Variants in FAM135A observed in about 807,000 individuals in gnomAD.
FAM135A encodes the protein protein FAM135A.
FAM135A carries 79 observed loss-of-function variants against 146.8 expected under a neutral mutation model. The ratio of observed to expected loss-of-function variants is 0.54; its 90% CI spans 0.45 to 0.65. The LOEUF (loss-of-function observed/expected upper bound fraction) is 0.65, where lower values mean the gene tolerates loss of function less well. Among genes scored for constraint, FAM135A ranks in the 30% least tolerant of loss-of-function variants. FAM135A has a pLI of 0.00. For missense variants in FAM135A, 1,623 were observed against 1,758.2 expected, an observed-to-expected ratio of 0.92 and a Z score of 1.38; for synonymous variants, 562 against 603.6, an observed-to-expected ratio of 0.93 and a Z score of 1.01.
intron 5 of FAM135A, among the ~76,000 whole-genome samples, chr6:70,454,644 G>A (rs1396801169): frequency 1.3e-5 from 2 of 152,108 alleles, no homozygotes; most frequent in African/African-American, 4.8e-5. Flanking sequence ...AGTTTTCCCA[G>A]CACCATTTAT....
At chr6:70,481,923 T>C in intron 9 of FAM135A, 78 bp from the exon 10 acceptor site, 2 of 1,381,356 alleles carry the variant, frequency 1.4e-6, no homozygotes, top group Non-Finnish European at 1.9e-6. Flanking sequence ...TTAAGTATTT[T>C]TTCTTTATTT....
chr6:70,559,803 A>G lies in FAM135A; in HGVS notation c.4430A>G (p.Asn1477Ser). Reference sequence around the variant, plus strand: ...AATTTGGTTCGCTATAATGTCATCAATGCATTGCCCAATACAGCTGATTCA... The same window carrying G: ...AATTTGGTTCGCTATAATGTCATCAGTGCATTGCCCAATACAGCTGATTCA... ...DCNLVRYNVI[N>S]ALPNTADSLI... The change falls in exon 22 of 22, where the codon AAT (asparagine) becomes AGT (serine). Residue 1477 changes from asparagine to serine, a missense_variant. Around this residue, in one of 7 missense-constraint regions of FAM135A, gnomAD observed 138 missense variants for 174.1 expected, o/e 0.79. Transcript: ENST00000418814. 1 of 1,614,148 alleles carries G rather than the reference A, an allele frequency of 6.2e-7. No individual in the cohort carries two copies. Among genetic ancestry groups the G allele is most frequent in the South Asian group, 1.1e-5 (1 of 91,086 alleles).
Position 70,540,577 on chromosome 6 carries a change from G to A in FAM135A, c.4228+2176G>A, listed in dbSNP as rs568127632. ...CCTGACCTTGTGATCCGCCCGCCTC[G>A]GCCTCCTAAAGTGCTGGGATTACAG... On this transcript the variant is annotated intron_variant, in intron 20 of 21. Transcript: ENST00000418814. Among the ~76,000 whole-genome samples, 101 of 151,886 alleles carry A rather than the reference G, an allele frequency of 6.6e-4. 1 individual carries two copies. The highest frequency in any genetic ancestry group is 3.4e-3 in the Middle Eastern group (1 of 294).
chr6:70,442,792 A>C lies in FAM135A; in HGVS notation c.78-9700A>C, dbSNP rs1415597714. On this transcript the variant is annotated intron_variant, in intron 4 of 21. Transcript: ENST00000418814. ...TTTGATACAATGCTATAGGAAGTAC[A>C]TAATCAAACCTTTAGATTAAACCAC... 4.6e-5 allele frequency among the ~76,000 whole-genome samples: 7 copies of C among 152,206 alleles called. No individual in the cohort carries two copies. The South Asian group carries it at 8.3e-4, about 18-fold the overall frequency.
chr6:70,497,465 C>T lies in FAM135A; in HGVS notation c.874-5171C>T, dbSNP rs573540553. Among the ~76,000 whole-genome samples the T allele has an allele frequency of 9.1e-4, 138 of 152,274 alleles. 3 individuals carry two copies. In the South Asian group the frequency reaches 0.028, roughly 31 times the overall value. On this transcript the variant is annotated intron_variant, in intron 11 of 21. Coordinates refer to ENST00000418814, the MANE Select transcript of FAM135A (RefSeq NM_001162529.3). ...AAACAGGGACAGTTTGACTTCCTCTCTTCCTATTTGAATACGTTTTATTTC... is the reference window on the plus strand; with the variant it reads ...AAACAGGGACAGTTTGACTTCCTCTTTTCCTATTTGAATACGTTTTATTTC...
chr6:70,482,658 T>G (rs1236394823), intron 10 of FAM135A, among the ~76,000 whole-genome samples: 2 of 152,118 alleles, frequency 1.3e-5, no homozygotes, highest in Non-Finnish European at 2.9e-5. Flanking sequence ...ATTGAAATTG[T>G]TTTAAAAAAT....
At chr6:70,505,845 A>G (rs1789648460) in intron 12 of FAM135A, among the ~76,000 whole-genome samples, 1 of 152,096 alleles carries the variant, frequency 6.6e-6, no homozygotes, top group Non-Finnish European at 1.5e-5. Context: ...GCTATATTGT[A>G]GTAAACAGGA....
In FAM135A at chr6:70,448,924, C is replaced by A. The variant is rs1447321635; in HGVS notation, c.78-3568C>A. ...GGGCCAGGTGTTTCTTGCCCTCATT[C>A]TGGTAAACCCACAACCTTCCAGCCT... is the stretch of plus-strand genomic sequence containing the variant. On this transcript the variant is annotated intron_variant, in intron 4 of 21. Coordinates refer to ENST00000418814, the MANE Select transcript of FAM135A (RefSeq NM_001162529.3). Among the ~76,000 whole-genome samples the A allele has an allele frequency of 3.9e-5, 6 of 152,158 alleles. No homozygotes were observed. The East Asian group carries it at 1.2e-3, about 29-fold the overall frequency.
chr6:70,559,793 A>C lies in FAM135A; in HGVS notation c.4420A>C (p.Asn1474His). The change falls in exon 22 of 22, where the codon AAT (asparagine) becomes CAT (histidine). Residue 1474 changes from asparagine to histidine, a missense_variant. By Grantham distance (68) the Asn-to-His change is moderately conservative. This residue lies in a region of FAM135A where 138 missense variants were observed against 174.1 expected (regional missense o/e 0.79). Transcript: ENST00000418814. ...QSKDCNLVRY[N>H]VINALPNTAD... ...CAAGGACTGTAATTTGGTTCGCTAT[A>C]ATGTCATCAATGCATTGCCCAATAC... is the stretch of plus-strand genomic sequence containing the variant. 1 of 1,614,150 alleles carries C rather than the reference A, an allele frequency of 6.2e-7. No homozygotes were observed. The highest frequency in any genetic ancestry group is 2.2e-5 in the East Asian group (1 of 44,866).
At chr6:70,469,236 A>G (rs1445793528) in intron 5 of FAM135A, among the ~76,000 whole-genome samples, 1 of 152,220 alleles carries the variant, frequency 6.6e-6, no homozygotes, top group African/African-American at 2.4e-5. Flanking sequence ...CATAATAAGT[A>G]TTCAGTAAAT....
At chr6:70,427,489 G>A (rs550923603) in intron 3 of FAM135A, among the ~76,000 whole-genome samples, 1 of 149,032 alleles carries the variant, frequency 6.7e-6, no homozygotes, top group Non-Finnish European at 1.5e-5. Context: ...CCGAGAGCGC[G>A]CCACTGCACT....
chr6:70,503,860 T>C (rs753540336), intron 12 of FAM135A: 1 of 152,232 alleles, frequency 6.6e-6, no homozygotes, highest in Non-Finnish European at 1.5e-5. Flanking sequence ...ATATCTCCAT[T>C]TGAATATACC....
intron 16 of FAM135A, among the ~76,000 whole-genome samples, chr6:70,530,006 G>C (rs1208657210): frequency 1.3e-5 from 2 of 152,144 alleles, no homozygotes; most frequent in Admixed American, 6.5e-5. Flanking sequence ...GGAGCTTGCG[G>C]TGAGCTGAGA....
At chr6:70,518,341 C>G (rs1168904640) in intron 12 of FAM135A, among the ~76,000 whole-genome samples, 1 of 152,094 alleles carries the variant, frequency 6.6e-6, no homozygotes, top group African/African-American at 2.4e-5. Context: ...TTGAAACTAG[C>G]AGAGATTGGG....
chr6:70,483,425 C>A (rs1784087807), intron 10 of FAM135A, among the ~76,000 whole-genome samples: 1 of 152,130 alleles, frequency 6.6e-6, no homozygotes, highest in Non-Finnish European at 1.5e-5. Flanking sequence ...AAAAGACAAT[C>A]TTCTGATCAT....
At position 70,525,703 on chromosome 6, in the gene FAM135A, T is replaced by C. The variant is rs1794557749; in HGVS notation, c.2619T>C (p.Asn873=). The change falls in exon 15 of 22, where the codon AAT becomes AAC. Residue 873 remains asparagine, a synonymous_variant. Coordinates refer to ENST00000418814, the MANE Select transcript of FAM135A (RefSeq NM_001162529.3). ...CHLNDSKTVL[N]LGTTDLPKCD... ...TAAATGATAGCAAAACTGTATTAAA[T>C]CTAGGAACGACTGATTTGCCAAAAT... The C allele has an allele frequency of 6.2e-7, 1 of 1,612,658 alleles. No individual in the cohort carries two copies. The highest frequency in any genetic ancestry group is 1.3e-5 in the African/African-American group (1 of 74,884).
chr6:70,464,588 A>C (rs929314939), intron 5 of FAM135A, among the ~76,000 whole-genome samples: 1 of 152,010 alleles, frequency 6.6e-6, no homozygotes, highest in African/African-American at 2.4e-5. Flanking sequence ...AATAACATTA[A>C]AGTGTAAAAA....
chr6:70,432,793 T>C (rs965843171), intron 4 of FAM135A, among the ~76,000 whole-genome samples: 3 of 151,922 alleles, frequency 2.0e-5, no homozygotes, highest in Admixed American at 6.6e-5. Context: ...GACATCGACT[T>C]TTTTTTCCTT....
chr6:70,498,423 C>T (rs1024716656), intron 11 of FAM135A, among the ~76,000 whole-genome samples: 9 of 152,104 alleles, frequency 5.9e-5, no homozygotes, highest in African/African-American at 2.2e-4. Context: ...TTCAAAAAAA[C>T]CAGCTCCTGG....
Sources: allele counts gnomAD v4.1 joint callset (sites outside exome capture counted in the v4.1 genomes callset), GRCh38; gene constraint gnomAD v4.1.1; regional missense constraint gnomAD v4.1.1; transcripts MANE v1.5; gene names NCBI Gene and HGNC (gene_info 2026-07-23, HGNC 2026-07-21).